SUGCT: variants seen among roughly 807,000 people sequenced by gnomAD.
SUGCT encodes the protein succinyl-CoA:glutarate CoA-transferase.
SUGCT carries 41 observed loss-of-function variants against 55.0 expected under a neutral mutation model. The ratio of observed to expected loss-of-function variants is 0.74; its 90% CI spans 0.58 to 0.97. The LOEUF is 0.97. Among genes scored for constraint, SUGCT ranks in the 50% least tolerant of loss-of-function variants. SUGCT has a pLI of 0.00. For missense variants in SUGCT, 568 were observed against 547.8 expected (o/e 1.04, Z -0.37); for synonymous variants, 187 against 200.4 (o/e 0.93, Z 0.56).
At chr7:40,314,052 A>T (rs2151103760) in intron 8 of SUGCT, among the ~76,000 whole-genome samples, 1 of 152,308 alleles carries the variant, frequency 6.6e-6, no homozygotes, top group Non-Finnish European at 1.5e-5. Context: ...TGAGAGATGA[A>T]TTCTGATTCT....
At chr7:40,580,619 T>C (rs527260990) in intron 12 of SUGCT, among the ~76,000 whole-genome samples, 2 of 152,268 alleles carry the variant, frequency 1.3e-5, no homozygotes, top group Admixed American at 1.3e-4. Context: ...CATCATGACT[T>C]CACAAAGCAG....
the SUGCT span, among the ~76,000 whole-genome samples, chr7:40,930,888 C>T: frequency 6.6e-6 from 1 of 152,198 alleles, no homozygotes; most frequent in African/African-American, 2.4e-5. Context: ...TTGACTTCCT[C>T]TTTTCCTAAA....
At chr7:40,436,805 G>A (rs1788201919) in intron 9 of SUGCT, among the ~76,000 whole-genome samples, 2 of 152,172 alleles carry the variant, frequency 1.3e-5, no homozygotes, top group Admixed American at 6.5e-5. Flanking sequence ...CTATAAAGTA[G>A]TAGCTGCTTT....
intron 9 of SUGCT, among the ~76,000 whole-genome samples, chr7:40,422,926 T>C (rs946266668): frequency 6.6e-6 from 1 of 152,128 alleles, no homozygotes; most frequent in Non-Finnish European, 1.5e-5. Context: ...ATACTTATAT[T>C]ATCTTTAAAT....
intron 13 of SUGCT, among the ~76,000 whole-genome samples, chr7:40,839,686 A>G (rs1374782553): frequency 6.8e-6 from 1 of 148,072 alleles, no homozygotes; most frequent in East Asian, 1.9e-4. Flanking sequence ...AATTTTTAAG[A>G]GTAAACTTTT....
intron 13 of SUGCT, among the ~76,000 whole-genome samples, chr7:40,775,096 A>G (rs1789386685): frequency 6.6e-6 from 1 of 152,238 alleles, no homozygotes; most frequent in Admixed American, 6.5e-5. Context: ...GAGATGCCAC[A>G]TAACAAATGC....
intron 12 of SUGCT, among the ~76,000 whole-genome samples, chr7:40,577,232 A>G (rs1003072230): frequency 6.6e-5 from 10 of 152,212 alleles, no homozygotes; most frequent in African/African-American, 2.4e-4. Flanking sequence ...TGTAAGAGAA[A>G]ATGAGACAGG....
rs567711781 is a variant in SUGCT, at chr7:40,503,848, A to C, written c.1089+7462A>C. 1.1e-4 allele frequency among the ~76,000 whole-genome samples: 17 copies of C among 152,368 alleles called. 1 individual carries two copies. Among genetic ancestry groups the C allele is most frequent in the Admixed American group, 1.0e-3 (16 of 15,308 alleles). ...CTGTAAAGTACATATCGGTATGATAAAAATACAAAGTTTAGTTACAGAGCA... is the reference window on the plus strand; with the variant it reads ...CTGTAAAGTACATATCGGTATGATACAAATACAAAGTTTAGTTACAGAGCA... On this transcript the variant is annotated intron_variant, in intron 12 of 13. Transcript: ENST00000335693.
intron 1 of SUGCT, among the ~76,000 whole-genome samples, chr7:40,141,185 CTTT>C (rs1378818800): frequency 7.0e-6 from 1 of 142,422 alleles, no homozygotes. Context: ...ATTTCTTTTC[CTTT>C]TTTTTTTTTG....
At chr7:40,459,031 A>G in intron 10 of SUGCT, 70 bp from the exon 11 acceptor site, 1 of 959,902 alleles carries the variant, frequency 1.0e-6, no homozygotes. Flanking sequence ...TAGGACCTGA[A>G]CACTAGCACC....
At chr7:40,276,289 C>T (rs1035644091) in intron 8 of SUGCT, among the ~76,000 whole-genome samples, 9 of 152,072 alleles carry the variant, frequency 5.9e-5, no homozygotes, top group African/African-American at 2.2e-4. Flanking sequence ...GTCTTTTCTT[C>T]CTCTAATTTT....
intron 1 of SUGCT, among the ~76,000 whole-genome samples, chr7:40,174,201 T>C (rs193211326): frequency 1.0e-3 from 154 of 152,220 alleles, no homozygotes; most frequent in African/African-American, 3.6e-3. Flanking sequence ...TTTTGTATTT[T>C]TAATAGAGAC....
At chr7:40,688,885 T>A (rs971370439) in intron 12 of SUGCT, among the ~76,000 whole-genome samples, 24 of 151,974 alleles carry the variant, frequency 1.6e-4, no homozygotes, top group East Asian at 1.5e-3. Context: ...GTTCATATTT[T>A]AAAAAAAAAT....
At chr7:40,320,923 C>T (rs942621920) in intron 9 of SUGCT, among the ~76,000 whole-genome samples, 15 of 151,940 alleles carry the variant, frequency 9.9e-5, no homozygotes, top group African/African-American at 3.6e-4. Context: ...GGTACTTTCT[C>T]CTCCCTCACT....
chr7:40,691,287 A>G (rs910593463), intron 12 of SUGCT, among the ~76,000 whole-genome samples: 12 of 151,444 alleles, frequency 7.9e-5, no homozygotes, highest in Middle Eastern at 3.4e-3. Context: ...CCTGAAAACT[A>G]CTTGATTAAT....
chr7:40,728,098 C>CA (rs1212675739), intron 12 of SUGCT, among the ~76,000 whole-genome samples: 2 of 151,986 alleles, frequency 1.3e-5, no homozygotes, highest in African/African-American at 4.8e-5. Flanking sequence ...ATTGTTTAGT[C>CA]AAAGAGTATT....
chr7:40,571,853 GA>G (rs1796469179), intron 12 of SUGCT, among the ~76,000 whole-genome samples: 1 of 152,214 alleles, frequency 6.6e-6, no homozygotes, highest in Non-Finnish European at 1.5e-5. Context: ...TGTCTCAGGA[GA>G]AAAGGGTTAG....
chr7:40,927,993 C>T, the SUGCT span, among the ~76,000 whole-genome samples: 1 of 151,978 alleles, frequency 6.6e-6, no homozygotes, highest in Admixed American at 6.6e-5. Flanking sequence ...TCTATTGTTG[C>T]TAATGAATCT....
Position 40,274,543 on chromosome 7 carries a change from A to C in SUGCT, c.607A>C (p.Met203Leu). 6.2e-7 allele frequency: 1 copy of C among 1,613,802 alleles called. No individual in the cohort carries two copies. Among genetic ancestry groups the C allele is most frequent in the Non-Finnish European group, 8.5e-7 (1 of 1,179,796 alleles). Residue 203 changes from methionine (M) to leucine (L), a missense_variant, in exon 8 of 14, where the codon ATG (methionine) becomes CTG (leucine). Transcript: ENST00000335693. The stretch of plus-strand genomic sequence containing the variant: ...AGATCCAGTTCGCCCAGGAGTAGCT[A>C]TGACTGATCTTGCCACTGGCCTGTA... ...NGDPVRPGVA[M>L]TDLATGLYAY...
Sources: gnomAD v4.1 joint callset for allele counts (sites outside exome capture counted in the v4.1 genomes callset) on GRCh38, gnomAD v4.1.1 for gene constraint, MANE v1.5 for transcripts, NCBI Gene and HGNC (gene_info 2026-07-23, HGNC 2026-07-21) for gene names.